RBL1: variants seen among roughly 807,000 people sequenced by gnomAD.
RBL1 encodes the protein retinoblastoma-like protein 1.
A neutral mutation model predicts 123.0 loss-of-function variants in RBL1; 82 were observed. The ratio of observed to expected loss-of-function variants is 0.67; its 90% CI spans 0.56 to 0.80. The LOEUF is 0.80. Ranked by LOEUF, RBL1 falls within the 30% of genes least tolerant of loss-of-function variation. The probability of loss-of-function intolerance (pLI) is 0.00; values close to 1 mark genes in which losing one functional copy is unlikely to be tolerated. For missense variants in RBL1, 1,171 were observed against 1,299.6 expected (o/e 0.90, Z 1.52); for synonymous variants, 405 against 441.3 (o/e 0.92, Z 1.03).
At chr20:37,042,904 C>G (rs888230595) in intron 13 of RBL1, among the ~76,000 whole-genome samples, 5 of 77,714 alleles carry the variant, frequency 6.4e-5, no homozygotes, top group African/African-American at 1.3e-4. Flanking sequence ...GTCCCCCCCC[C>G]TCCAAAAAAA....
intron 14 of RBL1, among the ~76,000 whole-genome samples, chr20:37,036,827 G>A (rs1276827901): frequency 2.6e-5 from 4 of 151,844 alleles, no homozygotes; most frequent in African/African-American, 7.3e-5. Context: ...GGGTTTCACC[G>A]TGTTAGCCAG....
chr20:37,017,010 GAGACGAGACA>G (rs912561811), intron 19 of RBL1, among the ~76,000 whole-genome samples: 20 of 151,936 alleles, frequency 1.3e-4, no homozygotes, highest in African/African-American at 4.3e-4. Flanking sequence ...AAGACGAGAC[GAGACGAGACA>G]AGACGAGACA....
chr20:37,043,989 A>G (rs768468550), intron 13 of RBL1, 97 bp downstream of exon 13: 24 of 982,460 alleles, frequency 2.4e-5, no homozygotes, highest in Non-Finnish European at 3.5e-5. Flanking sequence ...TACACTTAAA[A>G]TGGGTGAACT....
chr20:37,020,867 C>A, intron 17 of RBL1, 137 bp from the exon 18 acceptor site: 2 of 576,512 alleles, frequency 3.5e-6, no homozygotes, highest in Non-Finnish European at 6.0e-6. Context: ...TGACTAAAAA[C>A]CACTAACATT....
chr20:37,037,028 T>A (rs1192832932), intron 14 of RBL1, among the ~76,000 whole-genome samples: 1 of 152,202 alleles, frequency 6.6e-6, no homozygotes, highest in Non-Finnish European at 1.5e-5. Context: ...ATAGTTATAG[T>A]TTAATAAAAA....
chr20:37,036,329 G>A (rs182983078), intron 14 of RBL1, among the ~76,000 whole-genome samples: 1 of 152,324 alleles, frequency 6.6e-6, no homozygotes, highest in Admixed American at 6.5e-5. Flanking sequence ...CCAGGCTGGA[G>A]TGCAGTGGCA....
At position 37,083,974 on chromosome 20, in the gene RBL1, T is replaced by A. The variant is rs1225326489; in HGVS notation, c.290+5015A>T. ...GCCTGGCTGGAGTAGAGTTGCATCA[T>A]CATAACTCACTGCAGCCTCCACCTC... On this transcript the variant is annotated intron_variant, in intron 2 of 21. Transcript: ENST00000373664. Among the ~76,000 whole-genome samples, 3 of 150,502 alleles carry A rather than the reference T, an allele frequency of 2.0e-5. No homozygotes were observed. The East Asian group carries it at 6.0e-4, about 30-fold the overall frequency.
rs764365810 is a variant in RBL1, at chr20:37,066,752, G to C, written c.818C>G (p.Pro273Arg). The C allele has an allele frequency of 6.2e-7, 1 of 1,613,316 alleles. No individual in the cohort carries two copies. Among genetic ancestry groups the C allele is most frequent in the Non-Finnish European group, 8.5e-7 (1 of 1,179,422 alleles). Residue 273 changes from proline to arginine, a missense_variant, in exon 6 of 22, where the codon CCA (proline) becomes CGA (arginine). Coordinates refer to ENST00000373664, the MANE Select transcript of RBL1 (RefSeq NM_002895.5). ...CCTGTCAAAGAGTTTTGAAATATATGGCTTAAAGTAGTGCTCCTTTATTCC... is the reference window on the plus strand; with the variant it reads ...CCTGTCAAAGAGTTTTGAAATATATCGCTTAAAGTAGTGCTCCTTTATTCC... ...AKGIKEHYFKPYISKLFDRKI... is the reference protein window; with the variant it reads ...AKGIKEHYFKRYISKLFDRKI...
chr20:37,031,413 G>C (rs2146244929), intron 16 of RBL1, among the ~76,000 whole-genome samples: 1 of 152,150 alleles, frequency 6.6e-6, no homozygotes, highest in Admixed American at 6.5e-5. Context: ...CTATAATGAA[G>C]ATATATAGAT....
intron 16 of RBL1, among the ~76,000 whole-genome samples, chr20:37,029,575 A>T (rs2064475201): frequency 6.6e-6 from 1 of 152,220 alleles, no homozygotes; most frequent in Non-Finnish European, 1.5e-5. Flanking sequence ...TTCAACATAG[A>T]ACGGGAATTC....
At chr20:37,085,504 C>T (rs181889344) in intron 2 of RBL1, among the ~76,000 whole-genome samples, 25 of 152,086 alleles carry the variant, frequency 1.6e-4, no homozygotes, top group Admixed American at 1.3e-3. Context: ...TTTGTGTGTA[C>T]GTGTGTGTGC....
rs150321784 is a variant in RBL1, at chr20:37,003,756, T to C, written c.2982A>G (p.Ser994=). ...SIYISPHKNG[S]GLTPRSALLY... ...GCAGAGCGCTTCTTGGTGTAAGGCCTGACCCATTCTTGTGCGGGGAAATAT... is the reference window on the plus strand; with the variant it reads ...GCAGAGCGCTTCTTGGTGTAAGGCCCGACCCATTCTTGTGCGGGGAAATAT... Residue 994 remains serine (S), a synonymous_variant, in exon 21 of 22, where the codon TCA becomes TCG. Transcript: ENST00000373664. The C allele has an allele frequency of 3.1e-6, 5 of 1,613,984 alleles. No individual in the cohort carries two copies. Among genetic ancestry groups the C allele is most frequent in the Non-Finnish European group, 3.4e-6 (4 of 1,179,980 alleles).
At chr20:37,086,395 T>C (rs1209456305) in intron 2 of RBL1, among the ~76,000 whole-genome samples, 1 of 152,046 alleles carries the variant, frequency 6.6e-6, no homozygotes. Flanking sequence ...GAAACCATCC[T>C]GGCCAACATG....
At chr20:37,038,455 C>T (rs1377753180) in intron 14 of RBL1, among the ~76,000 whole-genome samples, 3 of 150,532 alleles carry the variant, frequency 2.0e-5, no homozygotes, top group Non-Finnish European at 1.5e-5. Context: ...CACCTGCCAC[C>T]ATGCCTGGCT....
chr20:37,054,788 C>A (rs1410766529), intron 11 of RBL1, among the ~76,000 whole-genome samples: 1 of 151,990 alleles, frequency 6.6e-6, no homozygotes, highest in Non-Finnish European at 1.5e-5. Flanking sequence ...CGAGATCGTG[C>A]CACTGCACTC....
At chr20:37,084,671 C>G (rs1263849826) in intron 2 of RBL1, among the ~76,000 whole-genome samples, 2 of 151,962 alleles carry the variant, frequency 1.3e-5, no homozygotes. Flanking sequence ...ACACTCCATC[C>G]TGAGTGACAG....
At chr20:37,045,437 C>G (rs2064805637) in intron 12 of RBL1, among the ~76,000 whole-genome samples, 1 of 151,484 alleles carries the variant, frequency 6.6e-6, no homozygotes, top group Admixed American at 6.6e-5. Context: ...CTTCAATGAG[C>G]ACATATCATT....
chr20:37,094,885 G>T (rs1462462599), intron 1 of RBL1, among the ~76,000 whole-genome samples: 1 of 152,134 alleles, frequency 6.6e-6, no homozygotes, highest in Non-Finnish European at 1.5e-5. Flanking sequence ...TGATCCGCCC[G>T]CCTTGGCCTC....
At chr20:37,030,786 CAG>C (rs2064496039) in intron 16 of RBL1, among the ~76,000 whole-genome samples, 1 of 150,752 alleles carries the variant, frequency 6.6e-6, no homozygotes. Flanking sequence ...ACCCGGGAGG[CAG>C]GGGTTGCAGT....
Sources: allele counts gnomAD v4.1 joint callset (sites outside exome capture counted in the v4.1 genomes callset), GRCh38; gene constraint gnomAD v4.1.1; transcripts MANE v1.5; gene names NCBI Gene and HGNC (gene_info 2026-07-23, HGNC 2026-07-21).